The following RBMS3 variants were observed in gnomAD, a reference collection of about 807,000 sequenced individuals.
RBMS3 encodes the protein RNA-binding motif, single-stranded-interacting protein 3.
A neutral mutation model predicts 66.8 loss-of-function variants in RBMS3; 27 were observed. That is an observed-to-expected ratio of 0.40 (90% confidence interval 0.30 to 0.56). The LOEUF (loss-of-function observed/expected upper bound fraction) is 0.56, where lower values mean the gene tolerates loss of function less well. RBMS3 is among the 20% of genes least tolerant of loss of function. RBMS3 has a pLI of 0.40. For missense variants in RBMS3, 513 were observed against 549.5 expected (o/e 0.93, Z 0.66); for synonymous variants, 188 against 183.0 (o/e 1.03, Z -0.22).
intron 12 of RBMS3, among the ~76,000 whole-genome samples, chr3:29,961,387 C>T (rs186824417): frequency 6.6e-6 from 1 of 152,292 alleles, no homozygotes; most frequent in African/African-American, 2.4e-5. Flanking sequence ...TTCCTGTCTT[C>T]TTCTGAACCC....
intron 12 of RBMS3, among the ~76,000 whole-genome samples, chr3:29,968,094 T>C (rs1263615834): frequency 1.3e-5 from 2 of 152,166 alleles, no homozygotes; most frequent in East Asian, 3.9e-4. Context: ...CTCTTTGATG[T>C]AGGCATTTAG....
intron 1 of RBMS3, among the ~76,000 whole-genome samples, chr3:29,416,886 C>A (rs545476786): frequency 1.3e-5 from 2 of 152,264 alleles, no homozygotes; most frequent in South Asian, 2.1e-4. Context: ...ACTATCCTAA[C>A]CTTCCTACCA....
intron 5 of RBMS3, among the ~76,000 whole-genome samples, chr3:29,753,796 C>T (rs181795078): frequency 7.9e-5 from 12 of 152,088 alleles, no homozygotes; most frequent in Admixed American, 5.9e-4. Flanking sequence ...TTTTGGTCAC[C>T]CAAGAAGAAT....
At chr3:29,352,420 T>C (rs1168914612) in intron 1 of RBMS3, among the ~76,000 whole-genome samples, 1 of 152,096 alleles carries the variant, frequency 6.6e-6, no homozygotes, top group Non-Finnish European at 1.5e-5. Context: ...TTAAGTGATA[T>C]AAATTTATGT....
Position 29,925,817 on chromosome 3 carries a change from C to T in RBMS3, c.940-10269C>T, listed in dbSNP as rs112310314. Reference sequence around the variant, plus strand: ...TGATAGTATCCAGTCCCAGGCCATACGTTAAGAAACAAGGTAGTAGAGTTT... The same window carrying T: ...TGATAGTATCCAGTCCCAGGCCATATGTTAAGAAACAAGGTAGTAGAGTTT... On this transcript the variant is annotated intron_variant, in intron 10 of 14. Coordinates refer to ENST00000383767, the MANE Select transcript of RBMS3 (RefSeq NM_001003793.3). Among the ~76,000 whole-genome samples the T allele has an allele frequency of 9.7e-3, 1,479 of 152,066 alleles. 35 individuals are homozygous for T. The highest frequency in any genetic ancestry group is 0.034 in the African/African-American group (1,390 of 41,456).
intron 3 of RBMS3, among the ~76,000 whole-genome samples, chr3:29,580,086 C>T (rs149719796): frequency 5.9e-5 from 9 of 152,186 alleles, no homozygotes; most frequent in Admixed American, 5.2e-4. Flanking sequence ...TTTCAAGTGC[C>T]GTACTACTAA....
chr3:29,585,492 T>C (rs1436629956), intron 3 of RBMS3, among the ~76,000 whole-genome samples: 3 of 152,100 alleles, frequency 2.0e-5, no homozygotes, highest in African/African-American at 7.2e-5. Flanking sequence ...CTTGTGATTC[T>C]TGTCAAGTTG....
intron 4 of RBMS3, among the ~76,000 whole-genome samples, chr3:29,686,490 G>C (rs1366721710): frequency 6.6e-6 from 1 of 152,090 alleles, no homozygotes; most frequent in Non-Finnish European, 1.5e-5. Flanking sequence ...TTTAAGACCA[G>C]CCTGGGTATC....
At chr3:29,514,650 C>T (rs866937188) in intron 3 of RBMS3, among the ~76,000 whole-genome samples, 40 of 103,678 alleles carry the variant, frequency 3.9e-4, no homozygotes, top group African/African-American at 1.1e-3. Context: ...GTGATAGGCA[C>T]ATATATATAT....
chr3:29,612,232 A>G (rs1192316823), intron 4 of RBMS3, among the ~76,000 whole-genome samples: 1 of 152,104 alleles, frequency 6.6e-6, no homozygotes, highest in Non-Finnish European at 1.5e-5. Flanking sequence ...TAGTGATTGC[A>G]CATATATATA....
At chr3:29,348,225 T>C (rs2036693985) in intron 1 of RBMS3, among the ~76,000 whole-genome samples, 1 of 152,240 alleles carries the variant, frequency 6.6e-6, no homozygotes, top group South Asian at 2.1e-4. Flanking sequence ...ATTCTTGTTT[T>C]CGTCTTGTTT....
chr3:29,613,199 C>A (rs376573707), intron 4 of RBMS3, among the ~76,000 whole-genome samples: 1 of 152,110 alleles, frequency 6.6e-6, no homozygotes, highest in Admixed American at 6.5e-5. Flanking sequence ...TGGATATATA[C>A]CCAGTGGTGA....
intron 1 of RBMS3, among the ~76,000 whole-genome samples, chr3:29,296,772 G>A (rs115807345): frequency 0.047 from 7,183 of 151,644 alleles, 218 homozygotes; most frequent in South Asian, 0.075. Context: ...TCTTTACATA[G>A]TCATATTTCA....
chr3:29,358,050 G>A (rs769562022), intron 1 of RBMS3, among the ~76,000 whole-genome samples: 113 of 148,722 alleles, frequency 7.6e-4, no homozygotes, highest in Non-Finnish European at 1.3e-3. Context: ...AGCTCTTTAC[G>A]TAGATCCCAT....
chr3:29,587,166 A>T lies in RBMS3; in HGVS notation c.360A>T (p.Ala120=). ...DSPAAAQKAV[A]SLKANGVQAQ... Reference sequence around the variant, plus strand: ...CTGCAGCCGCACAGAAAGCGGTAGCATCTCTCAAGGCAAATGGCGTGCAGG... The same window carrying T: ...CTGCAGCCGCACAGAAAGCGGTAGCTTCTCTCAAGGCAAATGGCGTGCAGG... The change falls in exon 4 of 15, where the codon GCA becomes GCT. Residue 120 remains alanine (A), a synonymous_variant. Coordinates refer to ENST00000383767, the MANE Select transcript of RBMS3 (RefSeq NM_001003793.3). 1 of 1,604,720 alleles carries T rather than the reference A, an allele frequency of 6.2e-7. No individual in the cohort carries two copies. Among genetic ancestry groups the T allele is most frequent in the South Asian group, 1.1e-5 (1 of 90,244 alleles).
At chr3:29,354,557 G>T (rs554947442) in intron 1 of RBMS3, among the ~76,000 whole-genome samples, 47 of 151,764 alleles carry the variant, frequency 3.1e-4, no homozygotes, top group East Asian at 1.9e-4. Context: ...TATCCATGGT[G>T]CACGTGTGCA....
chr3:29,809,259 A>G (rs953781033), intron 6 of RBMS3, among the ~76,000 whole-genome samples: 1 of 151,480 alleles, frequency 6.6e-6, no homozygotes, highest in Admixed American at 6.6e-5. Context: ...TGCTGTCCTT[A>G]TTATAATAAG....
chr3:29,389,558 G>A (rs987092650), intron 1 of RBMS3, among the ~76,000 whole-genome samples: 2 of 152,178 alleles, frequency 1.3e-5, no homozygotes, highest in African/African-American at 4.8e-5. Context: ...AGAAAGTGCA[G>A]GTCCCACTCA....
chr3:29,469,193 T>C (rs754635201), intron 2 of RBMS3, among the ~76,000 whole-genome samples: 1 of 152,122 alleles, frequency 6.6e-6, no homozygotes, highest in Non-Finnish European at 1.5e-5. Context: ...ATCTTACAAA[T>C]AGTGATAACA....
Sources: gnomAD v4.1 joint callset for allele counts (sites outside exome capture counted in the v4.1 genomes callset) on GRCh38, gnomAD v4.1.1 for gene constraint, MANE v1.5 for transcripts, NCBI Gene and HGNC (gene_info 2026-07-23, HGNC 2026-07-21) for gene names.